The following GRM7 variants were observed in gnomAD, a reference collection of about 807,000 sequenced individuals.
GRM7 encodes glutamate metabotropic receptor 7.
A neutral mutation model predicts 84.5 loss-of-function variants in GRM7; 35 were observed. That is an observed-to-expected ratio of 0.41 (90% CI 0.32 to 0.55). The LOEUF is 0.55. Ranked by LOEUF, GRM7 falls within the 20% of genes least tolerant of loss-of-function variation. The pLI, the probability that GRM7 is intolerant of heterozygous loss-of-function variation, is 0.19. For synonymous variants in GRM7, 487 were observed against 455.1 expected (o/e 1.07, Z -0.89); for missense variants, 1,003 against 1,194.6 (o/e 0.84, Z 2.36).
intron 8 of GRM7, among the ~76,000 whole-genome samples, chr3:7,640,896 T>TAACC (rs1370644360): frequency 6.6e-6 from 1 of 152,194 alleles, no homozygotes; most frequent in Admixed American, 6.6e-5. Context: ...TGACAATGAC[T>TAACC]AACCACTAGA....
chr3:7,156,740 C>T (rs908331335), intron 2 of GRM7, among the ~76,000 whole-genome samples: 1 of 152,070 alleles, frequency 6.6e-6, no homozygotes, highest in African/African-American at 2.4e-5. Flanking sequence ...TTGTCTTATG[C>T]TGCGGAAGGG....
chr3:7,263,846 T>C (rs994209383), intron 2 of GRM7, among the ~76,000 whole-genome samples: 2 of 152,066 alleles, frequency 1.3e-5, no homozygotes. Flanking sequence ...AGCAGTGGCA[T>C]AGCAGGGTGC....
At chr3:6,979,226 G>T (rs969892524) in intron 1 of GRM7, among the ~76,000 whole-genome samples, 3 of 152,060 alleles carry the variant, frequency 2.0e-5, no homozygotes, top group Admixed American at 2.0e-4. Flanking sequence ...CATTAACAAG[G>T]GAGTGATTTC....
chr3:7,466,175 G>T (rs1302546821), intron 7 of GRM7, among the ~76,000 whole-genome samples: 2 of 152,206 alleles, frequency 1.3e-5, no homozygotes, highest in African/African-American at 4.8e-5. Context: ...TCTATGTGCA[G>T]TGTGTCAGGA....
chr3:7,614,351 C>T (rs1272830848), intron 8 of GRM7, among the ~76,000 whole-genome samples: 7 of 152,148 alleles, frequency 4.6e-5, no homozygotes, highest in Admixed American at 4.6e-4. Context: ...CAGAGGTGCC[C>T]TTTTCCCCCA....
At chr3:6,977,766 A>C (rs1489377663) in intron 1 of GRM7, among the ~76,000 whole-genome samples, 3 of 152,210 alleles carry the variant, frequency 2.0e-5, no homozygotes, top group African/African-American at 7.2e-5. Context: ...TGGGCTTAAC[A>C]TGACTTCAGT....
At chr3:7,365,503 AT>A (rs1376718684) in intron 4 of GRM7, among the ~76,000 whole-genome samples, 1 of 151,362 alleles carries the variant, frequency 6.6e-6, no homozygotes, top group Non-Finnish European at 1.5e-5. Flanking sequence ...ATCCAATCTG[AT>A]TTTTAATTCT....
intron 2 of GRM7, among the ~76,000 whole-genome samples, chr3:7,200,964 A>AT (rs71625339): frequency 0.25 from 24,608 of 98,086 alleles, 4,172 homozygotes; most frequent in Non-Finnish European, 0.32. Flanking sequence ...ACATTTCAGA[A>AT]TTTTTTTTTT....
At chr3:7,609,152 A>G (rs1160965899) in intron 8 of GRM7, among the ~76,000 whole-genome samples, 3 of 152,248 alleles carry the variant, frequency 2.0e-5, no homozygotes, top group East Asian at 3.9e-4. Flanking sequence ...TGCTGCATGC[A>G]TCCCTCATAC....
intron 1 of GRM7, among the ~76,000 whole-genome samples, chr3:7,054,332 T>G (rs1354255285): frequency 6.7e-6 from 1 of 149,454 alleles, no homozygotes; most frequent in African/African-American, 2.4e-5. Flanking sequence ...ATATGACATC[T>G]AATATATGAT....
intron 1 of GRM7, among the ~76,000 whole-genome samples, chr3:7,105,519 A>G (rs1303520175): frequency 6.6e-6 from 1 of 151,944 alleles, no homozygotes; most frequent in Non-Finnish European, 1.5e-5. Context: ...TCAGACATCT[A>G]CGGTGCTGGG....
chr3:7,428,115 G>A (rs774440631), intron 5 of GRM7, among the ~76,000 whole-genome samples: 7 of 152,114 alleles, frequency 4.6e-5, no homozygotes, highest in Non-Finnish European at 7.4e-5. Flanking sequence ...CAGAAAACAC[G>A]GGTTTCTGAA....
At chr3:7,404,407 G>A (rs1238992796) in intron 4 of GRM7, among the ~76,000 whole-genome samples, 1 of 152,290 alleles carries the variant, frequency 6.6e-6, no homozygotes, top group East Asian at 1.9e-4. Flanking sequence ...AGTTAATTAG[G>A]CTGACAGCCT....
At chr3:7,518,535 C>G (rs1700475895) in intron 7 of GRM7, among the ~76,000 whole-genome samples, 1 of 152,182 alleles carries the variant, frequency 6.6e-6, no homozygotes, top group Non-Finnish European at 1.5e-5. Flanking sequence ...TTGCTCCTGA[C>G]ATTAAGCTGT....
intron 6 of GRM7, among the ~76,000 whole-genome samples, chr3:7,455,429 G>A (rs544754836): frequency 1.3e-5 from 2 of 152,202 alleles, no homozygotes; most frequent in African/African-American, 2.4e-5. Context: ...GGAGAAAACT[G>A]GGAGATAGCA....
intron 1 of GRM7, among the ~76,000 whole-genome samples, chr3:7,074,781 A>G (rs1698005517): frequency 6.6e-6 from 1 of 152,172 alleles, no homozygotes; most frequent in African/African-American, 2.4e-5. Flanking sequence ...TTAGTTGCAG[A>G]TATGATTTTT....
intron 1 of GRM7, among the ~76,000 whole-genome samples, chr3:6,997,459 C>T (rs937734217): frequency 6.6e-6 from 1 of 152,128 alleles, no homozygotes; most frequent in Non-Finnish European, 1.5e-5. Flanking sequence ...ATGACAGTAG[C>T]AAGGAGAAGT....
At chr3:7,227,760 GT>G (rs1697029908) in intron 2 of GRM7, among the ~76,000 whole-genome samples, 1 of 152,180 alleles carries the variant, frequency 6.6e-6, no homozygotes, top group Non-Finnish European at 1.5e-5. Context: ...GAACCAAACT[GT>G]GAGAGGATTT....
chr3:7,110,388 G>A (rs1179602195), intron 1 of GRM7, among the ~76,000 whole-genome samples: 2 of 151,982 alleles, frequency 1.3e-5, no homozygotes, highest in Non-Finnish European at 2.9e-5. Flanking sequence ...ATCACTTCAG[G>A]TCAGGAGTTT....
Sources: allele counts gnomAD v4.1 joint callset (sites outside exome capture counted in the v4.1 genomes callset), GRCh38; gene constraint gnomAD v4.1.1; transcripts MANE v1.5; gene names NCBI Gene and HGNC (gene_info 2026-07-23, HGNC 2026-07-21).